Variants in HMGB1 observed in about 807,000 individuals in gnomAD.
The protein encoded by HMGB1 is high mobility group box 1, also known as high mobility group protein B1.
For synonymous variants in HMGB1, 81 were observed against 84.0 expected (o/e 0.96, Z 0.19); for missense variants, 79 against 253.5 (o/e 0.31, Z 4.67).
intron 1 of HMGB1, among the ~76,000 whole-genome samples, chr13:30,600,224 C>T (rs1348203668): frequency 6.6e-6 from 1 of 152,174 alleles, no homozygotes; most frequent in Non-Finnish European, 1.5e-5. Flanking sequence ...TCTGGCAGAG[C>T]AATCTATTAA....
chr13:30,461,724 T>TG, intron 4 of HMGB1, 191 bp from the exon 5 acceptor site: 1 of 1,399,870 alleles, frequency 7.1e-7, no homozygotes, highest in South Asian at 1.2e-5. Context: ...AAGATCATTA[T>TG]AACAATCTAT....
At position 30,526,011 on chromosome 13, in the gene HMGB1, A is replaced by T. The variant is rs143166349; in HGVS notation, c.-14-62317T>A. On this transcript the variant is annotated intron_variant, in intron 1 of 4. Transcript: ENST00000405805. Reference sequence around the variant, plus strand: ...TGTGCTCAGCCTGGCAATTTTTTTTAAAATTGGAAGGCAATATGCAACATT... The same window carrying T: ...TGTGCTCAGCCTGGCAATTTTTTTTTAAATTGGAAGGCAATATGCAACATT... Among the ~76,000 whole-genome samples the T allele has an allele frequency of 7.6e-3, 1,162 of 152,276 alleles. 8 individuals carry two copies. The highest frequency in any genetic ancestry group is 0.023 in the African/African-American group (950 of 41,558).
intron 1 of HMGB1, among the ~76,000 whole-genome samples, chr13:30,564,154 C>T (rs918471329): frequency 1.3e-5 from 2 of 151,616 alleles, no homozygotes; most frequent in East Asian, 1.9e-4. Flanking sequence ...AACCATGAGC[C>T]ACGTGCAGTG....
intron 1 of HMGB1, among the ~76,000 whole-genome samples, chr13:30,527,046 C>A (rs1036611183): frequency 6.6e-6 from 1 of 152,230 alleles, no homozygotes; most frequent in Admixed American, 6.5e-5. Context: ...AGGGGCCGAG[C>A]CCGCCTTTTA....
chr13:30,456,960 GAA>G lies in HMGB1; in HGVS notation c.*4395_*4396del. On this transcript the variant is annotated 3_prime_UTR_variant, in exon 5 of 5. Coordinates refer to ENST00000341423, the MANE Select transcript of HMGB1 (RefSeq NM_002128.7). ...AAATGTCCATCAGTAAGGGAATGAT[GAA>G]AAATATTATGGATCATATACAAGTG... 1 of 151,858 alleles carries G rather than the reference GAA, an allele frequency of 6.6e-6. No homozygotes were observed. The highest frequency in any genetic ancestry group is 3.4e-3 in the Middle Eastern group (1 of 294). 9.4% of individuals were successfully genotyped at this position (151,858 alleles called of 1,614,324 possible). A position where few individuals can be genotyped will look rare whatever the true frequency, so the allele number is the denominator to read the frequency against.
intron 1 of HMGB1, among the ~76,000 whole-genome samples, chr13:30,491,956 C>A (rs1223577523): frequency 1.3e-5 from 2 of 152,082 alleles, no homozygotes; most frequent in Non-Finnish European, 2.9e-5. Context: ...ATCAGGAGGT[C>A]AGGAGATCAA....
chr13:30,553,673 G>A, intron 1 of HMGB1: 1 of 786,650 alleles, frequency 1.3e-6, no homozygotes, highest in South Asian at 1.4e-5. Context: ...TCCCAGCCAT[G>A]CCCACCATCA....
At chr13:30,488,997 T>C (rs1456152215) in intron 1 of HMGB1, among the ~76,000 whole-genome samples, 1 of 152,154 alleles carries the variant, frequency 6.6e-6, no homozygotes, top group Non-Finnish European at 1.5e-5. Flanking sequence ...TCAGTGCCAA[T>C]ATTCAGCACA....
At chr13:30,466,251 C>T (rs1178324232), upstream of HMGB1, among the ~76,000 whole-genome samples, 1 of 152,048 alleles carries the variant, frequency 6.6e-6, no homozygotes, top group African/African-American at 2.4e-5. Context: ...CTGACTTTTC[C>T]ACAAGTGTCT....
At chr13:30,483,824 G>A (rs1295395832) in intron 1 of HMGB1, among the ~76,000 whole-genome samples, 1 of 152,050 alleles carries the variant, frequency 6.6e-6, no homozygotes, top group Non-Finnish European at 1.5e-5. Context: ...ATGTTGCCCA[G>A]GCTGGTCTCA....
chr13:30,584,988 A>T (rs1194980992), intron 1 of HMGB1, among the ~76,000 whole-genome samples: 1 of 152,104 alleles, frequency 6.6e-6, no homozygotes, highest in African/African-American at 2.4e-5. Context: ...TCTCTATAAA[A>T]AACACAAAAA....
rs527574508 is a variant in HMGB1, at chr13:30,505,335, G to C, written c.-14-41641C>G. On this transcript the variant is annotated intron_variant, in intron 1 of 4. Coordinates refer to the HMGB1 transcript ENST00000405805. ...CTGGGATTACAGGTGCGTGCCACCAGGCCTGGCTAATTTTTTGTATTTTTA... is the reference window on the plus strand; with the variant it reads ...CTGGGATTACAGGTGCGTGCCACCACGCCTGGCTAATTTTTTGTATTTTTA... Among the ~76,000 whole-genome samples the C allele has an allele frequency of 4.2e-3, 639 of 151,940 alleles. 1 individual carries two copies. The highest frequency in any genetic ancestry group is 0.013 in the African/African-American group (532 of 41,432).
Position 30,525,382 on chromosome 13 carries a change from G to C in HMGB1, c.-14-61688C>G, listed in dbSNP as rs956455717. Among the ~76,000 whole-genome samples the C allele has an allele frequency of 1.9e-4, 29 of 152,266 alleles. 1 individual carries two copies. The highest frequency in any genetic ancestry group is 9.8e-4 in the Admixed American group (15 of 15,300). On this transcript the variant is annotated intron_variant, in intron 1 of 4. Coordinates refer to the HMGB1 transcript ENST00000405805. Reference sequence around the variant, plus strand: ...CTTTGGCGTACTCCCAACCCCCACTGGTTTTTGTGACATCAGATGTGAACC... The same window carrying C: ...CTTTGGCGTACTCCCAACCCCCACTCGTTTTTGTGACATCAGATGTGAACC...
At chr13:30,542,635 G>A in intron 1 of HMGB1, 1 of 182,568 alleles carries the variant, frequency 5.5e-6, no homozygotes, top group South Asian at 9.3e-5. Flanking sequence ...AAATGCCACA[G>A]CCTGGCTGGC....
chr13:30,463,758 C>T (rs995630035), intron 1 of HMGB1, 64 bp from the exon 2 acceptor site: 19 of 1,092,074 alleles, frequency 1.7e-5, no homozygotes, highest in Non-Finnish European at 2.5e-5. Flanking sequence ...CCTTAAAGTA[C>T]TTAGTAAGGG....
chr13:30,580,774 G>A (rs1288598126), intron 1 of HMGB1, among the ~76,000 whole-genome samples: 2 of 152,150 alleles, frequency 1.3e-5, no homozygotes, highest in South Asian at 4.1e-4. Context: ...TACATAAAGA[G>A]GCAAGAAAGA....
At chr13:30,599,711 T>A (rs1376235930) in intron 1 of HMGB1, among the ~76,000 whole-genome samples, 1 of 152,162 alleles carries the variant, frequency 6.6e-6, no homozygotes, top group African/African-American at 2.4e-5. Flanking sequence ...CCTCTTCTTA[T>A]AAAGATACTA....
At chr13:30,467,539 T>C (rs897816164), upstream of HMGB1, among the ~76,000 whole-genome samples, 18 of 152,238 alleles carry the variant, frequency 1.2e-4, no homozygotes, top group Non-Finnish European at 2.6e-4. Flanking sequence ...AAAGAGGATA[T>C]AAATTGGTAT....
intron 1 of HMGB1, among the ~76,000 whole-genome samples, chr13:30,537,696 T>A (rs386378698): frequency 4.8e-5 from 6 of 125,730 alleles, no homozygotes; most frequent in South Asian, 2.6e-4. Flanking sequence ...TATATATATA[T>A]AAAATTGATG....
Sources: allele counts gnomAD v4.1 joint callset (sites outside exome capture counted in the v4.1 genomes callset), GRCh38; gene constraint gnomAD v4.1.1; transcripts MANE v1.5; gene names NCBI Gene and HGNC (gene_info 2026-07-23, HGNC 2026-07-21).